The following RNFT2 variants were observed in gnomAD, a reference collection of about 807,000 sequenced individuals.
RNFT2 encodes E3 ubiquitin-protein ligase RNFT2.
Under a neutral mutation model 53.0 loss-of-function variants are expected in RNFT2, and 36 were observed. The observed-to-expected ratio is 0.68, with a 90% CI of 0.52 to 0.90. The LOEUF (loss-of-function observed/expected upper bound fraction) is 0.90, where lower values mean the gene tolerates loss of function less well. Among genes scored for constraint, RNFT2 ranks in the 40% least tolerant of loss-of-function variants. The pLI is 0.00. For missense variants in RNFT2, 514 were observed against 585.6 expected, an observed-to-expected ratio of 0.88 and a Z score of 1.26; for synonymous variants, 260 against 253.2, an observed-to-expected ratio of 1.03 and a Z score of -0.26.
chr12:116,833,869 C>T lies in RNFT2; in HGVS notation c.960C>T (p.Tyr320=), dbSNP rs751943376. The T allele has an allele frequency of 6.2e-7, 1 of 1,613,472 alleles. No individual in the cohort carries two copies. The highest frequency in any genetic ancestry group is 8.5e-7 in the Non-Finnish European group (1 of 1,179,696). Reference sequence around the variant, plus strand: ...TCCCCATCCAGCTGTGGTACAAATACATCATGGGTGACGACTCCTCCAACA... The same window carrying T: ...TCCCCATCCAGCTGTGGTACAAATATATCATGGGTGACGACTCCTCCAACA... The part of the protein sequence containing the change: ...SLVPIQLWYK[Y]IMGDDSSNSY... The change falls in exon 8 of 11, where the codon TAC becomes TAT. Residue 320 remains tyrosine, a synonymous_variant. Coordinates refer to ENST00000257575, the MANE Select transcript of RNFT2 (RefSeq NM_001382266.1).
intron 7 of RNFT2, among the ~76,000 whole-genome samples, chr12:116,814,007 G>A (rs1228312981): frequency 6.6e-6 from 1 of 152,138 alleles, no homozygotes; most frequent in Non-Finnish European, 1.5e-5. Context: ...TGCTAGGCTC[G>A]ATTTATCAAT....
Position 116,833,919 on chromosome 12 carries a change from T to C in RNFT2, c.1010T>C (p.Ile337Thr). The C allele has an allele frequency of 6.2e-7, 1 of 1,611,800 alleles. No individual in the cohort carries two copies. The highest frequency in any genetic ancestry group is 8.5e-7 in the Non-Finnish European group (1 of 1,179,036). The change falls in exon 8 of 11, where the codon ATC becomes ACC. Residue 337 changes from isoleucine to threonine, a missense_variant. Physicochemically the swap from Ile to Thr is moderately conservative, Grantham distance 89. Transcript: ENST00000257575. ...SNSYFLGGVL[I>T]VLYSLCKSFD... ...AGCTACTTCCTGGGCGGGGTCCTGATCGTTCTCTACAGCCTCTGCAAGGTG... is the reference window on the plus strand; with the variant it reads ...AGCTACTTCCTGGGCGGGGTCCTGACCGTTCTCTACAGCCTCTGCAAGGTG...
intron 6 of RNFT2, among the ~76,000 whole-genome samples, chr12:116,769,919 C>G (rs1873100524): frequency 6.6e-6 from 1 of 152,074 alleles, no homozygotes; most frequent in South Asian, 2.1e-4. Flanking sequence ...CCTGTAATCC[C>G]AGCTACTTGG....
intron 5 of RNFT2, among the ~76,000 whole-genome samples, chr12:116,763,737 C>T (rs1872788844): frequency 1.3e-5 from 2 of 151,134 alleles, no homozygotes; most frequent in East Asian, 1.9e-4. Flanking sequence ...CGAGATCGCG[C>T]CACTGCACTC....
intron 3 of RNFT2, among the ~76,000 whole-genome samples, chr12:116,747,153 C>T (rs1434830735): frequency 6.6e-6 from 1 of 152,184 alleles, no homozygotes; most frequent in African/African-American, 2.4e-5. Flanking sequence ...ACCTCCTGGG[C>T]TCAAGCCATC....
chr12:116,771,488 A>ATAT (rs1159943371), intron 6 of RNFT2, among the ~76,000 whole-genome samples: 1,308 of 99,884 alleles, frequency 0.013, 41 homozygotes, highest in Non-Finnish European at 0.017. Context: ...AAAAAAAAAA[A>ATAT]AAAAAAATAC....
At chr12:116,835,051 T>C (rs1345853911) in intron 8 of RNFT2, among the ~76,000 whole-genome samples, 1 of 152,106 alleles carries the variant, frequency 6.6e-6, no homozygotes, top group African/African-American at 2.4e-5. Context: ...TGTTTTACCA[T>C]GTTGGCCAGG....
intron 7 of RNFT2, among the ~76,000 whole-genome samples, chr12:116,793,467 C>T (rs563974624): frequency 2.6e-5 from 4 of 152,224 alleles, no homozygotes; most frequent in East Asian, 3.9e-4. Flanking sequence ...GGATTACAGG[C>T]GTGAGCCACT....
chr12:116,771,460 TAAAAAAAAAAAAAAAAA>T lies in RNFT2; in HGVS notation c.728+4565_728+4581del, dbSNP rs35911608. Reference sequence around the variant, plus strand: ...GGGTGACAAAATGAGATCCTATCGTTAAAAAAAAAAAAAAAAAAAAAAAAAAAAAAAAAAATACGTAT... The same window carrying T: ...GGGTGACAAAATGAGATCCTATCGTTAAAAAAAAAAAAAAAAAATACGTAT... On this transcript the variant is annotated intron_variant, in intron 6 of 10. Coordinates refer to ENST00000257575, the MANE Select transcript of RNFT2 (RefSeq NM_001382266.1). 2.8e-3 allele frequency among the ~76,000 whole-genome samples: 177 copies of T among 64,128 alleles called. 2 individuals carry two copies. The highest frequency in any genetic ancestry group is 0.01 in the African/African-American group (167 of 16,636). The allele number at this position is 64,128 out of a possible 152,430, so 42.1% of individuals were successfully genotyped here. A position where few individuals can be genotyped will look rare whatever the true frequency, so the allele number is the denominator to read the frequency against.
chr12:116,771,863 C>A (rs1306540019), intron 6 of RNFT2, among the ~76,000 whole-genome samples: 1 of 152,200 alleles, frequency 6.6e-6, no homozygotes, highest in Non-Finnish European at 1.5e-5. Flanking sequence ...CCTGGAAGTT[C>A]TTTTGAAACG....
intron 7 of RNFT2, among the ~76,000 whole-genome samples, chr12:116,827,442 GA>G (rs1320312057): frequency 6.6e-6 from 1 of 152,148 alleles, no homozygotes; most frequent in Non-Finnish European, 1.5e-5. Context: ...TTAAGCAACC[GA>G]AAGACAGGGA....
At chr12:116,793,203 C>T (rs1874335620) in intron 7 of RNFT2, among the ~76,000 whole-genome samples, 1 of 137,774 alleles carries the variant, frequency 7.3e-6, no homozygotes, top group Middle Eastern at 3.3e-3. Context: ...ATTACATATC[C>T]AGATAGCTTT....
chr12:116,763,264 A>G (rs1215715647), intron 5 of RNFT2, among the ~76,000 whole-genome samples: 5 of 152,206 alleles, frequency 3.3e-5, no homozygotes, highest in Admixed American at 2.6e-4. Context: ...CAACAAACTT[A>G]TGAAAAAATG....
chr12:116,751,944 G>A (rs973945249), intron 4 of RNFT2, among the ~76,000 whole-genome samples: 55 of 147,638 alleles, frequency 3.7e-4, no homozygotes, highest in African/African-American at 8.6e-4. Context: ...CACCACACCC[G>A]GCTTACTTAT....
intron 10 of RNFT2, among the ~76,000 whole-genome samples, chr12:116,841,848 T>A (rs188277799): frequency 3.7e-4 from 9 of 24,096 alleles, no homozygotes; most frequent in South Asian, 8.1e-4. Flanking sequence ...TATATATAAA[T>A]ATATATAAAA....
intron 7 of RNFT2, among the ~76,000 whole-genome samples, chr12:116,783,634 A>C (rs1230863678): frequency 2.6e-5 from 4 of 152,230 alleles, no homozygotes; most frequent in Non-Finnish European, 5.9e-5. Context: ...CTCTGACCCC[A>C]GGAACCCAGG....
chr12:116,783,582 C>T (rs1215547879), intron 7 of RNFT2, among the ~76,000 whole-genome samples: 3 of 152,270 alleles, frequency 2.0e-5, no homozygotes, highest in African/African-American at 7.2e-5. Flanking sequence ...ATCATCCTCA[C>T]TTGAGCAATA....
intron 3 of RNFT2, among the ~76,000 whole-genome samples, chr12:116,746,019 T>A (rs1162585706): frequency 6.6e-6 from 1 of 152,114 alleles, no homozygotes; most frequent in South Asian, 2.1e-4. Flanking sequence ...GGTGGATCAC[T>A]TGAGCTCCGG....
chr12:116,745,269 G>A (rs867656730), intron 3 of RNFT2, among the ~76,000 whole-genome samples: 1 of 148,192 alleles, frequency 6.7e-6, no homozygotes, highest in Non-Finnish European at 1.5e-5. Flanking sequence ...TTGCCTCCCC[G>A]GTTCAAGCGA....
Sources: gnomAD v4.1 joint callset for allele counts (sites outside exome capture counted in the v4.1 genomes callset) on GRCh38, gnomAD v4.1.1 for gene constraint, MANE v1.5 for transcripts, NCBI Gene and HGNC (gene_info 2026-07-23, HGNC 2026-07-21) for gene names.